The following FSHR variants were observed in gnomAD, a reference collection of about 807,000 sequenced individuals.
The protein encoded by FSHR is follicle stimulating hormone receptor.
In FSHR, 46 loss-of-function variants were observed where a neutral mutation model predicts 52.1. The observed-to-expected ratio is 0.88, with a 90% confidence interval of 0.70 to 1.13. The LOEUF (loss-of-function observed/expected upper bound fraction) is 1.13, where lower values mean the gene tolerates loss of function less well. Ranked by LOEUF, FSHR falls within the 50% of genes most tolerant of loss-of-function variation. The pLI is 0.00. For missense variants in FSHR, 964 were observed against 834.6 expected (o/e 1.16, Z -1.91); for synonymous variants, 399 against 309.6 (o/e 1.29, Z -3.03).
At chr2:49,027,036 C>T (rs1045220827) in intron 2 of FSHR, among the ~76,000 whole-genome samples, 1 of 152,178 alleles carries the variant, frequency 6.6e-6, no homozygotes, top group African/African-American at 2.4e-5. Flanking sequence ...TCCAAACTCT[C>T]TTCCCCTCCC....
intron 8 of FSHR, among the ~76,000 whole-genome samples, chr2:48,975,229 A>G (rs180980228): frequency 3.9e-5 from 6 of 152,174 alleles, no homozygotes; most frequent in Admixed American, 3.9e-4. Flanking sequence ...TTCTTCTCCT[A>G]CTTTTAGACA....
chr2:49,052,458 A>G (rs546101888), intron 2 of FSHR, among the ~76,000 whole-genome samples: 1 of 152,242 alleles, frequency 6.6e-6, no homozygotes, highest in African/African-American at 2.4e-5. Context: ...CATTAGAATC[A>G]TCAAGGGAGC....
At chr2:49,103,784 A>T (rs895568642) in intron 1 of FSHR, among the ~76,000 whole-genome samples, 2 of 152,140 alleles carry the variant, frequency 1.3e-5, no homozygotes, top group African/African-American at 4.8e-5. Context: ...ATGTTCAGGG[A>T]TAAGAAAGAC....
At chr2:49,116,906 A>G (rs919194296) in intron 1 of FSHR, among the ~76,000 whole-genome samples, 1 of 152,130 alleles carries the variant, frequency 6.6e-6, no homozygotes, top group Non-Finnish European at 1.5e-5. Flanking sequence ...TTTACTTCCT[A>G]CCCCATTCTA....
intron 8 of FSHR, among the ~76,000 whole-genome samples, chr2:48,977,936 A>G (rs987039360): frequency 1.3e-5 from 2 of 152,236 alleles, no homozygotes; most frequent in Middle Eastern, 3.4e-3. Context: ...TCTTCTAATG[A>G]TTTTGGTCTT....
chr2:49,040,144 G>A (rs530519307), intron 2 of FSHR, among the ~76,000 whole-genome samples: 75 of 152,174 alleles, frequency 4.9e-4, no homozygotes, highest in African/African-American at 1.8e-3. Context: ...AGTTTGCTGC[G>A]CTACTTGAAA....
intron 8 of FSHR, among the ~76,000 whole-genome samples, chr2:48,971,993 T>C (rs1446345479): frequency 6.6e-6 from 1 of 152,216 alleles, no homozygotes; most frequent in Non-Finnish European, 1.5e-5. Context: ...TAAACACAAT[T>C]TATATGCTGA....
intron 1 of FSHR, among the ~76,000 whole-genome samples, chr2:49,135,505 G>GA (rs891574113): frequency 1.3e-5 from 2 of 152,000 alleles, no homozygotes; most frequent in South Asian, 4.2e-4. Context: ...AGCTGTATTT[G>GA]AAAAAAATAT....
At chr2:49,012,152 T>G (rs1667299938) in intron 4 of FSHR, among the ~76,000 whole-genome samples, 1 of 152,078 alleles carries the variant, frequency 6.6e-6, no homozygotes, top group African/African-American at 2.4e-5. Context: ...AAAATGGAAT[T>G]ATGGTTTATT....
chr2:49,055,480 G>A (rs1256084298), intron 2 of FSHR, among the ~76,000 whole-genome samples: 4 of 108,880 alleles, frequency 3.7e-5, no homozygotes, highest in Admixed American at 2.6e-4. Flanking sequence ...AATAATAGCT[G>A]AAAATTTCCC....
At chr2:49,084,006 C>G (rs1221201770) in intron 1 of FSHR, among the ~76,000 whole-genome samples, 2 of 151,606 alleles carry the variant, frequency 1.3e-5, no homozygotes, top group African/African-American at 4.8e-5. Context: ...TAATAGACAT[C>G]TACAGAACTC....
In FSHR at chr2:48,963,147, G is replaced by A. The variant is rs1276505456; in HGVS notation, c.1674C>T (p.Asn558=). The change falls in exon 10 of 10, where the codon AAC becomes AAT. Residue 558 remains asparagine, a synonymous_variant. Transcript: ENST00000406846. ...CYIHIYLTVR[N]PNIVSSSSDT... is the part of the protein sequence containing the mutation. ...CACTAGAGGAGGACACGATGTTGGG[G>A]TTCCGCACTGTGAGGTAGATGTGGA... 1.9e-6 allele frequency: 3 copies of A among 1,613,960 alleles called. No individual in the cohort carries two copies. The highest frequency in any genetic ancestry group is 2.7e-5 in the African/African-American group (2 of 74,906).
In FSHR at chr2:49,121,776, T is replaced by C. The variant is rs148569454; in HGVS notation, c.152+32490A>G. Among the ~76,000 whole-genome samples, 949 of 149,310 alleles carry C rather than the reference T, an allele frequency of 6.4e-3. 7 individuals are homozygous for C. The highest frequency in any genetic ancestry group is 0.01 in the Middle Eastern group (3 of 294). On this transcript the variant is annotated intron_variant, in intron 1 of 9. Coordinates refer to ENST00000406846, the MANE Select transcript of FSHR (RefSeq NM_000145.4). ...GCCACCGCATCAAAGTCCCTGAGTCTTTCATTTTTAATAGCAAAGATTTTT... is the reference window on the plus strand; with the variant it reads ...GCCACCGCATCAAAGTCCCTGAGTCCTTCATTTTTAATAGCAAAGATTTTT...
chr2:48,987,572 G>A (rs1185230268), intron 6 of FSHR, among the ~76,000 whole-genome samples: 1 of 151,922 alleles, frequency 6.6e-6, no homozygotes, highest in Non-Finnish European at 1.5e-5. Context: ...TGTTCCCTCT[G>A]CACGCCCTTT....
chr2:49,110,817 C>T (rs2349715), intron 1 of FSHR, among the ~76,000 whole-genome samples: 73,251 of 151,920 alleles, frequency 0.48, 18,662 homozygotes, highest in East Asian at 0.7. Context: ...CTGTTCAGAA[C>T]TCTGGCAATG....
chr2:49,102,477 T>C (rs946586209), intron 1 of FSHR, among the ~76,000 whole-genome samples: 4 of 152,076 alleles, frequency 2.6e-5, no homozygotes, highest in African/African-American at 4.8e-5. Context: ...TCAAGACGTA[T>C]GGTGTTTACA....
At chr2:49,039,169 C>T (rs1200259351) in intron 2 of FSHR, among the ~76,000 whole-genome samples, 1 of 152,144 alleles carries the variant, frequency 6.6e-6, no homozygotes, top group African/African-American at 2.4e-5. Flanking sequence ...TATGTTGCTG[C>T]ACTCAGTAGA....
chr2:49,140,409 C>A (rs905855313), intron 1 of FSHR, among the ~76,000 whole-genome samples: 1 of 152,132 alleles, frequency 6.6e-6, no homozygotes, highest in African/African-American at 2.4e-5. Context: ...CCTGAGGTCT[C>A]CCCAGAAACT....
chr2:49,042,748 T>C (rs932286003), intron 2 of FSHR, among the ~76,000 whole-genome samples: 5 of 152,122 alleles, frequency 3.3e-5, no homozygotes, highest in African/African-American at 1.2e-4. Context: ...TCCTAGACTC[T>C]AGGGACAGGA....
Sources: allele counts gnomAD v4.1 joint callset (sites outside exome capture counted in the v4.1 genomes callset), GRCh38; gene constraint gnomAD v4.1.1; transcripts MANE v1.5; gene names NCBI Gene and HGNC (gene_info 2026-07-23, HGNC 2026-07-21).